Variants in KCNQ5 observed in about 807,000 individuals in gnomAD.
KCNQ5 encodes potassium voltage-gated channel subfamily KQT member 5.
Under a neutral mutation model 98.2 loss-of-function variants are expected in KCNQ5, and 30 were observed. The ratio of observed to expected loss-of-function variants is 0.31; its 90% CI spans 0.23 to 0.41. The LOEUF (loss-of-function observed/expected upper bound fraction) is 0.41. KCNQ5 is among the 10% of genes least tolerant of loss of function. The pLI, the probability that KCNQ5 is intolerant of heterozygous loss-of-function variation, is 1.00. For missense variants in KCNQ5, 835 were observed against 1,182.5 expected (o/e 0.71, Z 4.31); for synonymous variants, 458 against 449.4 (o/e 1.02, Z -0.24).
intron 1 of KCNQ5, among the ~76,000 whole-genome samples, chr6:72,781,374 A>G (rs1773459910): frequency 6.6e-6 from 1 of 152,162 alleles, no homozygotes; most frequent in Non-Finnish European, 1.5e-5. Flanking sequence ...GAGAGAATAG[A>G]TTTGTTGTCT....
At chr6:72,769,052 G>A (rs954990931) in intron 1 of KCNQ5, among the ~76,000 whole-genome samples, 5 of 152,068 alleles carry the variant, frequency 3.3e-5, no homozygotes, top group African/African-American at 9.7e-5. Flanking sequence ...AAGTCCTCAA[G>A]TAGTACTCTC....
intron 3 of KCNQ5, among the ~76,000 whole-genome samples, chr6:73,059,538 T>G (rs1772685996): frequency 1.3e-5 from 2 of 151,952 alleles, no homozygotes; most frequent in Non-Finnish European, 2.9e-5. Flanking sequence ...ATAACAAACC[T>G]GCACATGTAC....
At chr6:73,096,823 A>G (rs985418232) in intron 5 of KCNQ5, among the ~76,000 whole-genome samples, 1 of 152,132 alleles carries the variant, frequency 6.6e-6, no homozygotes, top group Non-Finnish European at 1.5e-5. Context: ...CAGGGGGATC[A>G]TTTGAAGTCA....
intron 2 of KCNQ5, among the ~76,000 whole-genome samples, chr6:73,034,794 A>T (rs1409116348): frequency 6.6e-6 from 1 of 151,858 alleles, no homozygotes; most frequent in Non-Finnish European, 1.5e-5. Context: ...TTCTCAATAC[A>T]TATTGTAGAT....
In KCNQ5 at chr6:73,158,268, T is replaced by G. The variant is rs138671026; in HGVS notation, c.1469-11478T>G. The stretch of plus-strand genomic sequence containing the variant: ...AATTTTGGAAGATTTTTTTTTTTTT[T>G]TTTTTTTTTTTTTTTGTGGAGACGG... On this transcript the variant is annotated intron_variant, in intron 10 of 13. Transcript: ENST00000370398. 7.2e-3 allele frequency: 544 copies of G among 75,176 alleles called. 4 individuals are homozygous for G. The highest frequency in any genetic ancestry group is 0.03 in the Middle Eastern group (5 of 166). 4.7% of individuals were successfully genotyped at this position (75,176 alleles called of 1,614,324 possible).
chr6:73,042,242 G>T, intron 3 of KCNQ5, 180 bp downstream of exon 3: 1 of 661,280 alleles, frequency 1.5e-6, no homozygotes, highest in Non-Finnish European at 2.6e-6. Flanking sequence ...AGCATTATGA[G>T]GTAGATATTT....
chr6:72,726,402 A>T (rs1266491751), intron 1 of KCNQ5, among the ~76,000 whole-genome samples: 2 of 151,762 alleles, frequency 1.3e-5, no homozygotes, highest in Non-Finnish European at 2.9e-5. Context: ...TTTAGTAGAG[A>T]TGGGGTTTCA....
intron 1 of KCNQ5, among the ~76,000 whole-genome samples, chr6:72,903,461 C>T (rs1208514705): frequency 1.3e-5 from 2 of 152,100 alleles, no homozygotes; most frequent in East Asian, 3.8e-4. Flanking sequence ...TTGATGTAGG[C>T]CTTTAGGACT....
chr6:73,192,443 T>G, intron 12 of KCNQ5, 122 bp from the exon 13 acceptor site: 1 of 824,754 alleles, frequency 1.2e-6, no homozygotes, highest in Non-Finnish European at 1.8e-6. Context: ...AGTTCTTTCT[T>G]ATTTCATCTT....
At chr6:72,777,931 T>G (rs940568134) in intron 1 of KCNQ5, among the ~76,000 whole-genome samples, 1 of 152,176 alleles carries the variant, frequency 6.6e-6, no homozygotes, top group South Asian at 2.1e-4. Context: ...TTAAAAAAGC[T>G]AAACTTCAAA....
At chr6:73,133,126 TTC>T (rs1776302040) in intron 9 of KCNQ5, among the ~76,000 whole-genome samples, 1 of 152,146 alleles carries the variant, frequency 6.6e-6, no homozygotes, top group Non-Finnish European at 1.5e-5. Flanking sequence ...TCCAAAACAG[TTC>T]TTAGTTATCT....
At position 73,106,668 on chromosome 6, in the gene KCNQ5, A is replaced by G. The variant is rs538428334; in HGVS notation, c.1029+1301A>G. 1.2e-4 allele frequency among the ~76,000 whole-genome samples: 19 copies of G among 152,308 alleles called. No individual in the cohort carries two copies. The South Asian group carries it at 3.9e-3, about 32-fold the overall frequency. ...ATCCTAATGACCTCGTTTTAACTTG[A>G]TTACCTCTGTAAGGACCCTATTTTC... On this transcript the variant is annotated intron_variant, in intron 6 of 13. Coordinates refer to ENST00000370398, the MANE Select transcript of KCNQ5 (RefSeq NM_019842.4).
chr6:73,049,256 A>C (rs906125837), intron 3 of KCNQ5, among the ~76,000 whole-genome samples: 4 of 152,238 alleles, frequency 2.6e-5, no homozygotes, highest in African/African-American at 4.8e-5. Context: ...GGAGACTTTT[A>C]AAATTAGATT....
intron 12 of KCNQ5, 24 bp from the exon 13 acceptor site, chr6:73,192,541 T>C: frequency 6.3e-7 from 1 of 1,589,148 alleles, no homozygotes. Flanking sequence ...GCCCTCATAA[T>C]CAGATCTCCT....
chr6:72,766,300 G>A (rs1772566855), intron 1 of KCNQ5, among the ~76,000 whole-genome samples: 1 of 151,972 alleles, frequency 6.6e-6, no homozygotes, highest in South Asian at 2.1e-4. Flanking sequence ...AGATCTGGAG[G>A]CCAGCTAAAA....
At chr6:72,752,376 G>A (rs1182066677) in intron 1 of KCNQ5, among the ~76,000 whole-genome samples, 1 of 152,080 alleles carries the variant, frequency 6.6e-6, no homozygotes, top group Non-Finnish European at 1.5e-5. Context: ...AATACCTGAA[G>A]GTAAGTAGAA....
At chr6:72,698,856 G>T (rs773015911) in intron 1 of KCNQ5, among the ~76,000 whole-genome samples, 1 of 151,216 alleles carries the variant, frequency 6.6e-6, no homozygotes, top group Non-Finnish European at 1.5e-5. Context: ...ATGGGGTCTT[G>T]CTGTGTTGCC....
intron 1 of KCNQ5, among the ~76,000 whole-genome samples, chr6:72,824,114 G>T (rs1294517652): frequency 4.0e-5 from 6 of 151,704 alleles, no homozygotes; most frequent in African/African-American, 1.5e-4. Context: ...AAACATTAGA[G>T]GTTTGTCTTC....
chr6:72,988,434 T>C (rs1422219203), intron 1 of KCNQ5, among the ~76,000 whole-genome samples: 1 of 152,180 alleles, frequency 6.6e-6, no homozygotes, highest in East Asian at 1.9e-4. Context: ...TGTTCTTACT[T>C]ATAAGTGGAT....
Sources: gnomAD v4.1 joint callset for allele counts (sites outside exome capture counted in the v4.1 genomes callset) on GRCh38, gnomAD v4.1.1 for gene constraint, MANE v1.5 for transcripts, NCBI Gene and HGNC (gene_info 2026-07-23, HGNC 2026-07-21) for gene names.